BBS7: variants seen among roughly 807,000 people sequenced by gnomAD.
The protein encoded by BBS7 is BBSome complex member BBS7.
In BBS7, 50 loss-of-function variants were observed where a neutral mutation model predicts 90.3. That is an observed-to-expected ratio of 0.55 (90% CI 0.44 to 0.70). The LOEUF is 0.70. Ranked by LOEUF, BBS7 falls within the 30% of genes least tolerant of loss-of-function variation. BBS7 has a pLI of 0.00. For synonymous variants in BBS7, 235 were observed against 287.4 expected (o/e 0.82, Z 1.85); for missense variants, 729 against 838.9 (o/e 0.87, Z 1.62).
intron 2 of BBS7, among the ~76,000 whole-genome samples, chr4:121,867,278 C>T (rs1727335901): frequency 6.6e-6 from 1 of 152,062 alleles, no homozygotes; most frequent in Non-Finnish European, 1.5e-5. Flanking sequence ...TTGTATCCTG[C>T]AACTTTACTG....
At chr4:121,835,578 A>T (rs1161517089) in intron 13 of BBS7, among the ~76,000 whole-genome samples, 1 of 152,174 alleles carries the variant, frequency 6.6e-6, no homozygotes, top group African/African-American at 2.4e-5. Context: ...CCTAAGTGGG[A>T]AATATTTTAA....
At chr4:121,837,394 T>C (rs1725512074) in intron 13 of BBS7, among the ~76,000 whole-genome samples, 1 of 152,374 alleles carries the variant, frequency 6.6e-6, no homozygotes, top group South Asian at 2.1e-4. Flanking sequence ...TGAAGTCTTC[T>C]TTCTTTAAAT....
rs1560643809 is a variant in BBS7 at position 121,835,169 on chromosome 4, T to C, written c.1486A>G (p.Arg496Gly). The stretch of plus-strand genomic sequence containing the variant: ...CTGTCATGATCAATAAAGTGAGTTC[T>C]TTGATGGAGTGAAAGAGGTTTGATG... ...YHIKPLSLHQRTHFIDHDRPM... is the reference protein window; with the variant it reads ...YHIKPLSLHQGTHFIDHDRPM... The change falls in exon 14 of 19, where the codon AGA becomes GGA. Residue 496 changes from arginine to glycine, a missense_variant. Transcript: ENST00000264499. 1 of 1,613,924 alleles carries C rather than the reference T, an allele frequency of 6.2e-7. No homozygotes were observed.
chr4:121,845,564 A>T lies in BBS7; in HGVS notation c.1170T>A (p.Asp390Glu). ...GINDKFTLNK[D>E]DASYSLILEV... is the part of the protein sequence containing the mutation. ...CTAAGATAAGGCTGTAACTGGCATC[A>T]TCTTTATTTAGTGTAAATTTATCAT... Residue 390 changes from aspartate to glutamate, a missense_variant, in exon 11 of 19, where the codon GAT becomes GAA. Transcript: ENST00000264499. 6.2e-7 allele frequency: 1 copy of T among 1,613,190 alleles called. No homozygotes were observed. Among genetic ancestry groups the T allele is most frequent in the Non-Finnish European group, 8.5e-7 (1 of 1,179,566 alleles).
intron 7 of BBS7, among the ~76,000 whole-genome samples, chr4:121,853,891 C>T (rs759285911): frequency 4.6e-5 from 7 of 152,164 alleles, no homozygotes; most frequent in South Asian, 2.1e-4. Flanking sequence ...GCCATGTTAA[C>T]GCATTTAGCC....
At chr4:121,870,214 G>C in intron 1 of BBS7, 64 bp downstream of exon 1, 1 of 1,605,240 alleles carries the variant, frequency 6.2e-7, no homozygotes, top group Non-Finnish European at 8.5e-7. Context: ...TCAGTGGAAG[G>C]AAGGAATCCT....
At chr4:121,870,150 C>T in intron 1 of BBS7, 128 bp downstream of exon 1, 1 of 1,188,922 alleles carries the variant, frequency 8.4e-7, no homozygotes, top group South Asian at 1.2e-5. Flanking sequence ...GAGAGGTCGG[C>T]ACCCAGCCCG....
Position 121,825,697 on chromosome 4 carries a change from A to T in BBS7, c.*163T>A, listed in dbSNP as rs1326692399. 5.2e-6 allele frequency: 3 copies of T among 573,224 alleles called. No individual in the cohort carries two copies. In the African/African-American group the frequency reaches 5.8e-5, roughly 11 times the overall value. 35.5% of individuals were successfully genotyped at this position (573,224 alleles called of 1,614,324 possible). A position where few individuals can be genotyped will look rare whatever the true frequency, so the allele number is the denominator to read the frequency against. On this transcript the variant is annotated 3_prime_UTR_variant, in exon 19 of 19. Coordinates refer to ENST00000264499, the MANE Select transcript of BBS7 (RefSeq NM_176824.3). ...TTAGTTTTAGAAAGTTCAATTTGTC[A>T]AAAGAAATAGAAGCATTACTTTAAA...
At chr4:121,827,507 T>C (rs1249809773) in intron 18 of BBS7, among the ~76,000 whole-genome samples, 1 of 152,204 alleles carries the variant, frequency 6.6e-6, no homozygotes, top group Non-Finnish European at 1.5e-5. Flanking sequence ...ATTGTAAGGA[T>C]TAAATATCTC....
intron 4 of BBS7, 118 bp downstream of exon 4, chr4:121,861,386 C>G (rs1395548463): frequency 1.0e-6 from 1 of 960,388 alleles, no homozygotes; most frequent in East Asian, 2.7e-5. Context: ...TAATAAAATA[C>G]CTTTAGTTAA....
rs553661521 is a variant in BBS7, at chr4:121,855,379, T to C, written c.601+110A>G. 2.6e-5 allele frequency: 27 copies of C among 1,057,088 alleles called. No individual in the cohort carries two copies. The Admixed American group carries it at 2.8e-4, about 11-fold the overall frequency. 65.5% of individuals were successfully genotyped at this position (1,057,088 alleles called of 1,614,324 possible). On this transcript the variant is annotated intron_variant, in intron 6 of 18. Transcript: ENST00000264499. Reference sequence around the variant, plus strand: ...CTCGTGCTGTTAGTTACTGGCAAGTTACCAGAAAGACAACTGTCTCAATTC... The same window carrying C: ...CTCGTGCTGTTAGTTACTGGCAAGTCACCAGAAAGACAACTGTCTCAATTC...
Position 121,825,610 on chromosome 4 carries a change from A to C in BBS7, c.*250T>G, listed in dbSNP as rs80171619. 1,091 of 365,640 alleles carry C rather than the reference A, an allele frequency of 3.0e-3. 17 individuals are homozygous for C. In the East Asian group the frequency reaches 0.03, roughly 10 times the overall value. 22.6% of individuals were successfully genotyped at this position (365,640 alleles called of 1,614,324 possible). A position where few individuals can be genotyped will look rare whatever the true frequency, so the allele number is the denominator to read the frequency against. ...TTAAAAATTAAAACAGCCACTTGCC[A>C]AAAATTCATTAAAATCCTATTTAAA... On this transcript the variant is annotated 3_prime_UTR_variant, in exon 19 of 19. Coordinates refer to ENST00000264499, the MANE Select transcript of BBS7 (RefSeq NM_176824.3).
At chr4:121,861,356 G>C in intron 4 of BBS7, 148 bp downstream of exon 4, 7 of 725,976 alleles carry the variant, frequency 9.6e-6, no homozygotes, top group Non-Finnish European at 1.5e-5. Flanking sequence ...ATTGATTGTA[G>C]GTCAAATTTA....
In BBS7 at chr4:121,825,549, G is replaced by T; in HGVS notation, c.*311C>A. 3.8e-6 allele frequency: 1 copy of T among 259,902 alleles called. No individual in the cohort carries two copies. The highest frequency in any genetic ancestry group is 7.4e-6 in the Non-Finnish European group (1 of 135,884). 16.1% of individuals were successfully genotyped at this position (259,902 alleles called of 1,614,324 possible). A position where few individuals can be genotyped will look rare whatever the true frequency, so the allele number is the denominator to read the frequency against. On this transcript the variant is annotated 3_prime_UTR_variant, in exon 19 of 19. Coordinates refer to ENST00000264499, the MANE Select transcript of BBS7 (RefSeq NM_176824.3). ...TGTTTATGTACCTTGTAATACATTT[G>T]AATATATTTTAATTTTCCACATATT...
chr4:121,852,903 C>A, intron 8 of BBS7, 53 bp downstream of exon 8: 1 of 1,550,606 alleles, frequency 6.4e-7, no homozygotes, highest in African/African-American at 1.4e-5. Flanking sequence ...CATCTGTCAT[C>A]TCTATAATAA....
intron 5 of BBS7, among the ~76,000 whole-genome samples, chr4:121,856,609 G>A (rs1285560078): frequency 6.6e-6 from 1 of 151,980 alleles, no homozygotes; most frequent in Non-Finnish European, 1.5e-5. Flanking sequence ...CTACTCAGGA[G>A]GCTAAAGGAG....
At chr4:121,845,342 T>C (rs1725950772) in intron 11 of BBS7, among the ~76,000 whole-genome samples, 162 bp downstream of exon 11, 1 of 151,992 alleles carries the variant, frequency 6.6e-6, no homozygotes, top group Non-Finnish European at 1.5e-5. Context: ...CACTCCAGTC[T>C]AGGTGACAGA....
chr4:121,868,191 A>C (rs1026201620), intron 1 of BBS7, 145 bp from the exon 2 acceptor site: 1 of 748,036 alleles, frequency 1.3e-6, no homozygotes, highest in Admixed American at 2.0e-5. Context: ...GAGATATGTC[A>C]TATTAGTCAG....
In BBS7 at chr4:121,870,261, C is replaced by T; in HGVS notation, c.36+17G>A. The stretch of plus-strand genomic sequence containing the variant: ...GGGCTTGCCCAGCGCGGCGCCCGCC[C>T]TATCCCTTGGGTTTACCTGCAGATA... On this transcript the variant is annotated intron_variant, in intron 1 of 18. Transcript: ENST00000264499. 1 of 1,614,142 alleles carries T rather than the reference C, an allele frequency of 6.2e-7. No individual in the cohort carries two copies. Among genetic ancestry groups the T allele is most frequent in the Non-Finnish European group, 8.5e-7 (1 of 1,179,980 alleles).
Sources: allele counts gnomAD v4.1 joint callset (sites outside exome capture counted in the v4.1 genomes callset), GRCh38; gene constraint gnomAD v4.1.1; transcripts MANE v1.5; gene names NCBI Gene and HGNC (gene_info 2026-07-23, HGNC 2026-07-21).